DGAT2: variants seen among roughly 807,000 people sequenced by gnomAD.
The protein encoded by DGAT2 is diacylglycerol O-acyltransferase 2.
A neutral mutation model predicts 48.4 loss-of-function variants in DGAT2; 33 were observed. The observed-to-expected ratio is 0.68, with a 90% CI of 0.52 to 0.91. The LOEUF (loss-of-function observed/expected upper bound fraction) is 0.91. Among genes scored for constraint, DGAT2 ranks in the 40% least tolerant of loss-of-function variants. The pLI is 0.00. For missense variants in DGAT2, 446 were observed against 493.7 expected (o/e 0.90, Z 0.92); for synonymous variants, 191 against 194.1 (o/e 0.98, Z 0.13).
At chr11:75,769,142 C>T in intron 1 of DGAT2, 30 bp downstream of exon 1, 1 of 1,524,168 alleles carries the variant, frequency 6.6e-7, no homozygotes, top group East Asian at 2.6e-5. Flanking sequence ...GGTTATGGAC[C>T]TGCGAGAAGA....
chr11:75,797,158 G>T lies in DGAT2; in HGVS notation c.635G>T (p.Gly212Val). Residue 212 changes from glycine (G) to valine (V), a missense_variant and splice_region_variant, in exon 6 of 8, where the codon GGT becomes GTT. Transcript: ENST00000228027. Reference sequence around the variant, plus strand: ...CTGTTGCGTCCTTCCCTCCCCTCAGGTATCTGCCCTGTCAGCCGGGACACC... The same window carrying T: ...CTGTTGCGTCCTTCCCTCCCCTCAGTTATCTGCCCTGTCAGCCGGGACACC... The part of the protein sequence containing the change: ...PVLREYLMSG[G>V]ICPVSRDTID... 1 of 1,485,218 alleles carries T rather than the reference G, an allele frequency of 6.7e-7. No homozygotes were observed. Among genetic ancestry groups the T allele is most frequent in the East Asian group, 2.6e-5 (1 of 39,136 alleles). The allele number at this position is 1,485,218 out of a possible 1,614,324, so 92.0% of individuals were successfully genotyped here. A position where few individuals can be genotyped will look rare whatever the true frequency, so the allele number is the denominator to read the frequency against.
intron 6 of DGAT2, 42 bp from the exon 7 acceptor site, chr11:75,798,185 C>A (rs748650166): frequency 6.2e-7 from 1 of 1,600,606 alleles, no homozygotes; most frequent in Non-Finnish European, 8.6e-7. Flanking sequence ...GAAACTGAAG[C>A]CAGTAAGTAG....
chr11:75,769,133 G>A, intron 1 of DGAT2, 21 bp downstream of exon 1: 1 of 1,537,204 alleles, frequency 6.5e-7, no homozygotes, highest in Non-Finnish European at 8.7e-7. Context: ...CGGCGCAGGG[G>A]TTATGGACCT....
chr11:75,773,329 A>G (rs2135757175), intron 1 of DGAT2, among the ~76,000 whole-genome samples: 1 of 152,266 alleles, frequency 6.6e-6, no homozygotes, highest in South Asian at 2.1e-4. Flanking sequence ...CTGAGTGGCA[A>G]GTGGGCAGAG....
Position 75,779,263 on chromosome 11 carries a change from G to A in DGAT2, c.122-5355G>A, listed in dbSNP as rs576636058. On this transcript the variant is annotated intron_variant, in intron 1 of 7. Coordinates refer to ENST00000228027, the MANE Select transcript of DGAT2 (RefSeq NM_032564.5). ...TGAGACTTTGAGCATGATATGGGCA[G>A]AGGAGGGAGCTCTCCTTTGCCAGGA... Among the ~76,000 whole-genome samples the A allele has an allele frequency of 2.1e-3, 319 of 152,334 alleles. 1 individual carries two copies. Among genetic ancestry groups the A allele is most frequent in the Admixed American group, 3.7e-3 (56 of 15,298 alleles).
chr11:75,777,460 T>C (rs1944813610), intron 1 of DGAT2, among the ~76,000 whole-genome samples: 1 of 152,224 alleles, frequency 6.6e-6, no homozygotes, highest in African/African-American at 2.4e-5. Flanking sequence ...GCTTACTTGG[T>C]AATTAATCAG....
intron 1 of DGAT2, among the ~76,000 whole-genome samples, chr11:75,782,132 C>T (rs988178402): frequency 2.0e-5 from 3 of 152,148 alleles, no homozygotes; most frequent in Non-Finnish European, 2.9e-5. Context: ...AAGTCAGCCA[C>T]GAGAAGGCAT....
Position 75,790,178 on chromosome 11 carries a change from TG to T in DGAT2, c.251-9del. On this transcript the variant is annotated splice_polypyrimidine_tract_variant and intron_variant, in intron 2 of 7. Transcript: ENST00000228027. ...CAGTAGGACCTGACCTGTGGCCATC[TG>T]CCCCCCAGGAGTGGCCTGCAGTGCC... The T allele has an allele frequency of 6.2e-7, 1 of 1,604,882 alleles. No homozygotes were observed. Among genetic ancestry groups the T allele is most frequent in the Non-Finnish European group, 8.5e-7 (1 of 1,171,876 alleles).
chr11:75,790,548 G>T, intron 3 of DGAT2, 113 bp from the exon 4 acceptor site: 1 of 984,030 alleles, frequency 1.0e-6, no homozygotes, highest in South Asian at 1.3e-5. Flanking sequence ...TGGGAAGGGG[G>T]CATGGTGCAT....
chr11:75,790,095 C>A, intron 2 of DGAT2, 93 bp from the exon 3 acceptor site: 1 of 932,314 alleles, frequency 1.1e-6, no homozygotes. Context: ...GTGTGCCTAG[C>A]TTAGTGCCAC....
At chr11:75,794,840 ATAT>A (rs1387067323) in intron 4 of DGAT2, 2 of 152,270 alleles carry the variant, frequency 1.3e-5, no homozygotes, top group Non-Finnish European at 2.9e-5. Context: ...CTGGATGGAA[ATAT>A]TATGGATTTT....
chr11:75,779,761 C>T (rs934616844), intron 1 of DGAT2, among the ~76,000 whole-genome samples: 4 of 152,204 alleles, frequency 2.6e-5, no homozygotes, highest in African/African-American at 9.7e-5. Flanking sequence ...CTGTAGGTAG[C>T]AGGGTTGTGT....
At chr11:75,796,264 C>A in intron 4 of DGAT2, 64 bp from the exon 5 acceptor site, 4 of 1,452,588 alleles carry the variant, frequency 2.8e-6, no homozygotes, top group Non-Finnish European at 3.8e-6. Context: ...CCTCCCTACC[C>A]TCCGGGTATG....
Position 75,782,291 on chromosome 11 carries a change from GATTC to G in DGAT2, c.122-2325_122-2322del, listed in dbSNP as rs571868432. ...GGGATCTTGTTAAAATGCAGATTTT[GATTC>G]AGTAAATCCAGTCTGGAGCCCAAAG... is the stretch of plus-strand genomic sequence containing the variant. On this transcript the variant is annotated intron_variant, in intron 1 of 7. Transcript: ENST00000228027. Among the ~76,000 whole-genome samples the G allele has an allele frequency of 3.4e-3, 515 of 152,314 alleles. 3 individuals carry two copies. The highest frequency in any genetic ancestry group is 0.012 in the African/African-American group (489 of 41,568).
chr11:75,789,995 T>C (rs1426104426), intron 2 of DGAT2, among the ~76,000 whole-genome samples, 193 bp from the exon 3 acceptor site: 1 of 152,204 alleles, frequency 6.6e-6, no homozygotes, highest in Non-Finnish European at 1.5e-5. Flanking sequence ...GAGATGAGGC[T>C]CCTCTTGTCC....
At chr11:75,796,273 T>C (rs1945051038) in intron 4 of DGAT2, 55 bp from the exon 5 acceptor site, 2 of 1,504,292 alleles carry the variant, frequency 1.3e-6, no homozygotes, top group Non-Finnish European at 1.8e-6. Context: ...CCTCCGGGTA[T>C]GCCCCGGTAT....
Position 75,798,389 on chromosome 11 carries a change from C to G in DGAT2, c.972C>G (p.Thr324=). 6.2e-7 allele frequency: 1 copy of G among 1,613,814 alleles called. No individual in the cohort carries two copies. Among genetic ancestry groups the G allele is most frequent in the South Asian group, 1.1e-5 (1 of 91,058 alleles). Residue 324 remains threonine, a synonymous_variant, in exon 7 of 8, where the codon ACC becomes ACG. Coordinates refer to ENST00000228027, the MANE Select transcript of DGAT2 (RefSeq NM_032564.5). ...FHGRGLFSSD[T]WGLVPYSKPI... ...GTCGAGGCCTCTTCTCCTCCGACAC[C>G]TGGGGGCTGGTGCCCTACTCCAAGC... is the stretch of plus-strand genomic sequence containing the variant.
chr11:75,798,613 T>C (rs1945081239), intron 7 of DGAT2, among the ~76,000 whole-genome samples, 184 bp downstream of exon 7: 1 of 152,174 alleles, frequency 6.6e-6, no homozygotes, highest in Non-Finnish European at 1.5e-5. Context: ...AGTCGGGGAA[T>C]TGAGCCTATG....
chr11:75,788,096 A>T (rs561102716), intron 2 of DGAT2, among the ~76,000 whole-genome samples: 25 of 152,194 alleles, frequency 1.6e-4, no homozygotes, highest in African/African-American at 5.8e-4. Context: ...AGAGTTAGAG[A>T]TTTCTGGAAG....
Sources: gnomAD v4.1 joint callset for allele counts (sites outside exome capture counted in the v4.1 genomes callset) on GRCh38, gnomAD v4.1.1 for gene constraint, MANE v1.5 for transcripts, NCBI Gene and HGNC (gene_info 2026-07-23, HGNC 2026-07-21) for gene names.